Variants in ZNF804B observed in about 807,000 individuals in gnomAD.
The protein encoded by ZNF804B is zinc finger 804B.
Under a neutral mutation model 101.4 loss-of-function variants are expected in ZNF804B, and 80 were observed. The ratio of observed to expected loss-of-function variants is 0.79; its 90% CI spans 0.66 to 0.95. The LOEUF is 0.95. Ranked by LOEUF, ZNF804B falls within the 40% of genes least tolerant of loss-of-function variation. ZNF804B has a pLI of 0.00. For synonymous variants in ZNF804B, 622 were observed against 558.8 expected, an observed-to-expected ratio of 1.11 and a Z score of -1.59; for missense variants, 1,673 against 1,561.9, an observed-to-expected ratio of 1.07 and a Z score of -1.20.
chr7:89,002,308 TACTC>T (rs972808900), intron 1 of ZNF804B, among the ~76,000 whole-genome samples: 6 of 151,866 alleles, frequency 4.0e-5, no homozygotes, highest in Non-Finnish European at 4.4e-5. Context: ...GATTTATTGA[TACTC>T]ACATTGAAAA....
At chr7:88,904,302 C>A (rs1792435878) in intron 1 of ZNF804B, among the ~76,000 whole-genome samples, 1 of 152,002 alleles carries the variant, frequency 6.6e-6, no homozygotes, top group Non-Finnish European at 1.5e-5. Flanking sequence ...TTCTGTTCCA[C>A]TGGTCTATGT....
At chr7:89,283,022 A>C (rs1382346254) in intron 2 of ZNF804B, among the ~76,000 whole-genome samples, 2 of 152,350 alleles carry the variant, frequency 1.3e-5, no homozygotes, top group South Asian at 2.1e-4. Context: ...TAATACAATA[A>C]GAGATACAGC....
intron 1 of ZNF804B, among the ~76,000 whole-genome samples, chr7:88,876,161 C>G: frequency 6.6e-6 from 1 of 152,146 alleles, no homozygotes; most frequent in East Asian, 1.9e-4. Context: ...TCAAGTCTAT[C>G]TCTTTTACTG....
chr7:89,171,408 TCTTCTTCTTCTC>T lies in ZNF804B; in HGVS notation c.109-46741_109-46730del, dbSNP rs1188043342. On this transcript the variant is annotated intron_variant, in intron 1 of 3. Coordinates refer to ENST00000333190, the MANE Select transcript of ZNF804B (RefSeq NM_181646.5). ...TTCCTCTTCTTCCTCTTCTTCTTCTTCTTCTTCTTCTCCTTCTCCTTCTCCTTCTCCTTCTTC... is the reference window on the plus strand; with the variant it reads ...TTCCTCTTCTTCCTCTTCTTCTTCTTCTTCTCCTTCTCCTTCTCCTTCTTC... 5.6e-3 allele frequency among the ~76,000 whole-genome samples: 613 copies of T among 109,880 alleles called. 18 individuals are homozygous for T. The highest frequency in any genetic ancestry group is 0.019 in the African/African-American group (583 of 31,060). The allele number at this position is 109,880 out of a possible 152,430, so 72.1% of individuals were successfully genotyped here.
At chr7:89,164,915 A>G (rs1791118644) in intron 1 of ZNF804B, among the ~76,000 whole-genome samples, 1 of 152,068 alleles carries the variant, frequency 6.6e-6, no homozygotes, top group Admixed American at 6.6e-5. Flanking sequence ...GCTCTATACC[A>G]TATATTTTAC....
At chr7:89,129,625 C>A (rs1383612243) in intron 1 of ZNF804B, among the ~76,000 whole-genome samples, 1 of 151,980 alleles carries the variant, frequency 6.6e-6, no homozygotes, top group Non-Finnish European at 1.5e-5. Context: ...CTGCTAAGAC[C>A]TCTAAATTTA....
chr7:89,072,785 G>A (rs1981531), intron 1 of ZNF804B, among the ~76,000 whole-genome samples: 52,724 of 151,668 alleles, frequency 0.35, 9,755 homozygotes, highest in East Asian at 0.52. Flanking sequence ...CTCTATTTAG[G>A]GAATAAAAAA....
chr7:89,229,736 A>G (rs1055228368), intron 2 of ZNF804B, among the ~76,000 whole-genome samples: 26 of 152,212 alleles, frequency 1.7e-4, no homozygotes. Context: ...TCTATAGAAT[A>G]CTTCATCCAA....
intron 1 of ZNF804B, among the ~76,000 whole-genome samples, chr7:89,047,348 G>A (rs997715594): frequency 6.6e-6 from 1 of 152,072 alleles, no homozygotes; most frequent in Non-Finnish European, 1.5e-5. Flanking sequence ...ACTTACAATT[G>A]CCTAGTTGAT....
At chr7:89,007,484 A>ATATATATATG (rs1491050866) in intron 1 of ZNF804B, among the ~76,000 whole-genome samples, 2 of 61,028 alleles carry the variant, frequency 3.3e-5, no homozygotes, top group East Asian at 8.3e-4. Flanking sequence ...ATATATATAT[A>ATATATATATG]TGTCAACCTA....
intron 1 of ZNF804B, among the ~76,000 whole-genome samples, chr7:88,914,900 T>C (rs1371723275): frequency 6.6e-6 from 1 of 152,198 alleles, no homozygotes; most frequent in Non-Finnish European, 1.5e-5. Flanking sequence ...TACCTTGTTA[T>C]AATAAAAATC....
intron 1 of ZNF804B, among the ~76,000 whole-genome samples, chr7:89,102,437 T>C (rs949766868): frequency 1.3e-5 from 2 of 152,052 alleles, no homozygotes; most frequent in Non-Finnish European, 2.9e-5. Context: ...CTCTGGTTAG[T>C]AATGTTGAGC....
intron 1 of ZNF804B, among the ~76,000 whole-genome samples, chr7:88,850,880 T>C (rs1204746076): frequency 1.3e-5 from 2 of 152,084 alleles, no homozygotes; most frequent in African/African-American, 2.4e-5. Flanking sequence ...AAACATTTAT[T>C]ATAACTGTAT....
intron 1 of ZNF804B, among the ~76,000 whole-genome samples, chr7:88,782,695 C>T (rs1398656151): frequency 2.6e-5 from 4 of 152,100 alleles, no homozygotes; most frequent in Non-Finnish European, 5.9e-5. Context: ...GCAACCATCA[C>T]TTGGTTAATA....
chr7:89,285,522 CAAAAAAA>C (rs778078214), intron 2 of ZNF804B, among the ~76,000 whole-genome samples: 10 of 22,396 alleles, frequency 4.5e-4, no homozygotes, highest in East Asian at 2.9e-3. Context: ...GACTCTGTCT[CAAAAAAA>C]AAAAAAAAAA....
intron 1 of ZNF804B, among the ~76,000 whole-genome samples, chr7:89,189,994 A>G (rs1356879403): frequency 1.3e-5 from 2 of 152,156 alleles, no homozygotes; most frequent in Non-Finnish European, 2.9e-5. Context: ...GCCATTAAGA[A>G]TATTCATGTT....
chr7:88,997,043 G>T (rs1229562706), intron 1 of ZNF804B, among the ~76,000 whole-genome samples: 1 of 152,164 alleles, frequency 6.6e-6, no homozygotes, highest in Admixed American at 6.6e-5. Context: ...TTACTTCTTA[G>T]AAATATTTGC....
At chr7:89,263,633 A>G (rs1789742151) in intron 2 of ZNF804B, among the ~76,000 whole-genome samples, 1 of 151,748 alleles carries the variant, frequency 6.6e-6, no homozygotes, top group Admixed American at 6.6e-5. Context: ...CATTAAGTTT[A>G]GAATCTGGAA....
At chr7:88,938,933 T>C (rs1465005436) in intron 1 of ZNF804B, among the ~76,000 whole-genome samples, 1 of 151,946 alleles carries the variant, frequency 6.6e-6, no homozygotes, top group African/African-American at 2.4e-5. Flanking sequence ...TAGAAAAAAA[T>C]AGACAAAAAT....
Sources: gnomAD v4.1 joint callset for allele counts (sites outside exome capture counted in the v4.1 genomes callset) on GRCh38, gnomAD v4.1.1 for gene constraint, MANE v1.5 for transcripts, NCBI Gene and HGNC (gene_info 2026-07-23, HGNC 2026-07-21) for gene names.